Variants in PDCD6IP observed in about 807,000 individuals in gnomAD.
PDCD6IP encodes programmed cell death 6 interacting protein, also known as programmed cell death 6-interacting protein.
A neutral mutation model predicts 103.7 loss-of-function variants in PDCD6IP; 43 were observed. That is an observed-to-expected ratio of 0.41 (90% CI 0.32 to 0.53). PDCD6IP has a LOEUF of 0.53. Among genes scored for constraint, PDCD6IP ranks in the 20% least tolerant of loss-of-function variants. The pLI is 0.16. For synonymous variants in PDCD6IP, 354 were observed against 378.7 expected, an observed-to-expected ratio of 0.93 and a Z score of 0.76; for missense variants, 871 against 1,036.7, an observed-to-expected ratio of 0.84 and a Z score of 2.20.
At chr3:33,799,849 G>T (rs925844870) in intron 1 of PDCD6IP, among the ~76,000 whole-genome samples, 1 of 152,010 alleles carries the variant, frequency 6.6e-6, no homozygotes, top group African/African-American at 2.4e-5. Flanking sequence ...TGCCGGGCGC[G>T]GTGGCTCACG....
intron 1 of PDCD6IP, among the ~76,000 whole-genome samples, chr3:33,807,568 G>T (rs997532924): frequency 1.3e-5 from 2 of 152,164 alleles, no homozygotes; most frequent in Non-Finnish European, 2.9e-5. Context: ...TGGGGCAGGT[G>T]CCCACAGTAG....
chr3:33,811,600 A>C (rs2125546113), intron 1 of PDCD6IP, among the ~76,000 whole-genome samples: 1 of 152,300 alleles, frequency 6.6e-6, no homozygotes, highest in East Asian at 1.9e-4. Context: ...GTTGTCTAGG[A>C]AACTTTTGGA....
chr3:33,868,425 TGCTCACA>T lies in PDCD6IP; in HGVS notation c.*1902_*1908del, dbSNP rs986837164. On this transcript the variant is annotated 3_prime_UTR_variant, in exon 18 of 18. Coordinates refer to ENST00000307296, the MANE Select transcript of PDCD6IP (RefSeq NM_013374.6). ...TTTAGCCCATTCCCCATGCTGGGCCTGCTCACAGAGCCACAGGAAGATCATTCAGAAA... is the reference window on the plus strand; with the variant it reads ...TTTAGCCCATTCCCCATGCTGGGCCTGAGCCACAGGAAGATCATTCAGAAA... 6.6e-6 allele frequency: 1 copy of T among 152,532 alleles called. No individual in the cohort carries two copies. 9.4% of individuals were successfully genotyped at this position (152,532 alleles called of 1,614,324 possible).
intron 15 of PDCD6IP, among the ~76,000 whole-genome samples, chr3:33,863,198 T>G (rs1697990345): frequency 6.6e-6 from 1 of 152,220 alleles, no homozygotes; most frequent in Non-Finnish European, 1.5e-5. Context: ...ACATGTGATA[T>G]TTTGATACAT....
intron 1 of PDCD6IP, 28 bp downstream of exon 1, chr3:33,798,965 T>G (rs1575891115): frequency 1.3e-6 from 2 of 1,493,070 alleles, no homozygotes; most frequent in Admixed American, 2.2e-5. Flanking sequence ...AGTGGGTAGG[T>G]TGTCTGCCAG....
At chr3:33,817,969 T>A (rs1696892920) in intron 3 of PDCD6IP, among the ~76,000 whole-genome samples, 1 of 151,866 alleles carries the variant, frequency 6.6e-6, no homozygotes, top group Non-Finnish European at 1.5e-5. Context: ...ACATGACAAA[T>A]TGTCAAAATA....
chr3:33,829,041 A>G (rs925055079), intron 7 of PDCD6IP, 72 bp downstream of exon 7: 46 of 1,317,402 alleles, frequency 3.5e-5, no homozygotes, highest in East Asian at 1.6e-4. Context: ...GAGATTTCCA[A>G]GTTTGCCCAT....
intron 12 of PDCD6IP, among the ~76,000 whole-genome samples, chr3:33,848,996 G>A (rs947291374): frequency 7.2e-5 from 11 of 152,224 alleles, no homozygotes; most frequent in African/African-American, 1.7e-4. Context: ...ACATAGCTGC[G>A]CTCATTCATT....
At chr3:33,799,591 A>G (rs1248975192) in intron 1 of PDCD6IP, 1 of 149,082 alleles carries the variant, frequency 6.7e-6, no homozygotes, top group Non-Finnish European at 1.5e-5. Context: ...ACAGTAGAGT[A>G]AATTTGTTAT....
At chr3:33,842,163 A>G (rs1466185866) in intron 10 of PDCD6IP, 89 bp downstream of exon 10, 3 of 836,066 alleles carry the variant, frequency 3.6e-6, no homozygotes, top group African/African-American at 3.4e-5. Context: ...TCCTCATGCT[A>G]GTACAGTGTA....
chr3:33,821,747 G>A (rs1037159081), intron 3 of PDCD6IP, among the ~76,000 whole-genome samples: 6 of 152,228 alleles, frequency 3.9e-5, no homozygotes, highest in Non-Finnish European at 8.8e-5. Flanking sequence ...GTTCTTCAGC[G>A]TTTTGGGTGA....
At chr3:33,833,769 G>T (rs1035842857) in intron 7 of PDCD6IP, among the ~76,000 whole-genome samples, 5 of 152,138 alleles carry the variant, frequency 3.3e-5, no homozygotes, top group Admixed American at 2.0e-4. Flanking sequence ...TTTCCTTATG[G>T]TTTTTTTGTA....
chr3:33,846,690 A>T (rs1306058875), intron 12 of PDCD6IP, among the ~76,000 whole-genome samples: 1 of 152,178 alleles, frequency 6.6e-6, no homozygotes, highest in Non-Finnish European at 1.5e-5. Flanking sequence ...GTGTCTAGAG[A>T]GTTATCCGAG....
chr3:33,800,612 A>AGCATTTT (rs1696455949), intron 1 of PDCD6IP, among the ~76,000 whole-genome samples: 1 of 152,200 alleles, frequency 6.6e-6, no homozygotes, highest in Admixed American at 6.5e-5. Context: ...TAATAGCATA[A>AGCATTTT]GCATTTTTTT....
In PDCD6IP at chr3:33,836,054, A is replaced by AACTG; in HGVS notation, c.847_850dup (p.Ile284ThrfsTer3). On this transcript the variant is annotated frameshift_variant, in exon 8 of 18. Coordinates refer to ENST00000307296, the MANE Select transcript of PDCD6IP (RefSeq NM_013374.6). LOFTEE classifies it high-confidence loss of function. Reference sequence around the variant, plus strand: ...CGTTTTTCTTTTTAGCATGCAGCAGAACTGATTAAAACAGTGGCATCTCGC... The same window carrying AACTG: ...CGTTTTTCTTTTTAGCATGCAGCAGAACTGACTGATTAAAACAGTGGCATCTCGC... The AACTG allele has an allele frequency of 6.3e-7, 1 of 1,598,408 alleles. No homozygotes were observed. The highest frequency in any genetic ancestry group is 1.7e-5 in the Admixed American group (1 of 59,968).
intron 15 of PDCD6IP, among the ~76,000 whole-genome samples, chr3:33,861,865 C>T (rs1036676090): frequency 2.0e-5 from 3 of 152,046 alleles, no homozygotes; most frequent in Non-Finnish European, 4.4e-5. Flanking sequence ...AAGTTTAAAG[C>T]GTTTAAGAAG....
At chr3:33,817,734 C>T (rs1244886627) in intron 3 of PDCD6IP, among the ~76,000 whole-genome samples, 5 of 150,442 alleles carry the variant, frequency 3.3e-5, no homozygotes. Flanking sequence ...GCCTGGGTGA[C>T]AGAGTGACAC....
chr3:33,861,620 A>G (rs948197950), intron 15 of PDCD6IP, among the ~76,000 whole-genome samples: 2 of 152,182 alleles, frequency 1.3e-5, no homozygotes, highest in East Asian at 3.8e-4. Context: ...TGCTCAGTTG[A>G]TATTGTCAAA....
intron 10 of PDCD6IP, among the ~76,000 whole-genome samples, chr3:33,843,148 T>C (rs1371158106): frequency 3.3e-5 from 5 of 152,326 alleles, no homozygotes; most frequent in East Asian, 3.9e-4. Context: ...ATAATACTTC[T>C]TGTTTTTTCT....
Sources: allele counts gnomAD v4.1 joint callset (sites outside exome capture counted in the v4.1 genomes callset), GRCh38; gene constraint gnomAD v4.1.1; transcripts MANE v1.5; gene names NCBI Gene and HGNC (gene_info 2026-07-23, HGNC 2026-07-21).